The following ALDH1A1 variants were observed in gnomAD, a reference collection of about 807,000 sequenced individuals.
ALDH1A1 encodes aldehyde dehydrogenase 1A1.
In ALDH1A1, 19 loss-of-function variants were observed where a neutral mutation model predicts 62.1. The observed-to-expected ratio is 0.31, with a 90% CI of 0.21 to 0.45. The LOEUF (loss-of-function observed/expected upper bound fraction) is 0.45. Ranked by LOEUF, ALDH1A1 falls within the 20% of genes least tolerant of loss-of-function variation. The pLI, the probability that ALDH1A1 is intolerant of heterozygous loss-of-function variation, is 1.00. For missense variants in ALDH1A1, 521 were observed against 607.1 expected (o/e 0.86, Z 1.49); for synonymous variants, 231 against 215.9 (o/e 1.07, Z -0.61).
In ALDH1A1 at chr9:72,923,931, T is replaced by C. The variant is rs762701775; in HGVS notation, c.747+88A>G. On this transcript the variant is annotated intron_variant, in intron 7 of 12. Transcript: ENST00000297785. ...ATTAAAAAGAGTTTTTGTTTTAAAA[T>C]TGTTGGCTCAAAAATAGTTACATAA... 1.2e-5 allele frequency: 10 copies of C among 867,712 alleles called. No individual in the cohort carries two copies. In the Admixed American group the frequency reaches 2.8e-4, roughly 24 times the overall value. 53.8% of individuals were successfully genotyped at this position (867,712 alleles called of 1,614,324 possible).
chr9:72,937,637 G>A (rs931459173), intron 2 of ALDH1A1, among the ~76,000 whole-genome samples: 2 of 152,168 alleles, frequency 1.3e-5, no homozygotes, highest in African/African-American at 4.8e-5. Context: ...CTACACTGTG[G>A]ACATGTACAG....
rs34939955 is a variant in ALDH1A1 at position 72,927,284 on chromosome 9, T to C, written c.443-107A>G. 132 of 790,988 alleles carry C rather than the reference T, an allele frequency of 1.7e-4. No homozygotes were observed. In the East Asian group the frequency reaches 3.2e-3, roughly 19 times the overall value. 49.0% of individuals were successfully genotyped at this position (790,988 alleles called of 1,614,324 possible). A position where few individuals can be genotyped will look rare whatever the true frequency, so the allele number is the denominator to read the frequency against. On this transcript the variant is annotated intron_variant, in intron 4 of 12. Transcript: ENST00000297785. ...GGTGTAGACAATAATTTTAAAAACATATATCTGGCCAGGTGTGGTGGCTCA... is the reference window on the plus strand; with the variant it reads ...GGTGTAGACAATAATTTTAAAAACACATATCTGGCCAGGTGTGGTGGCTCA...
chr9:72,930,763 T>C (rs1830270862), intron 3 of ALDH1A1, 116 bp downstream of exon 3: 1 of 1,250,612 alleles, frequency 8.0e-7, no homozygotes, highest in Non-Finnish European at 1.1e-6. Context: ...CAAAAAATGT[T>C]TTCATTTTGT....
At chr9:72,921,594 T>C (rs1320345280) in intron 7 of ALDH1A1, among the ~76,000 whole-genome samples, 3 of 148,444 alleles carry the variant, frequency 2.0e-5, no homozygotes, top group Non-Finnish European at 4.5e-5. Flanking sequence ...TACATATGTA[T>C]ACATGTGCCA....
chr9:72,945,532 T>TAGG (rs1339896695), intron 1 of ALDH1A1, among the ~76,000 whole-genome samples: 1 of 151,960 alleles, frequency 6.6e-6, no homozygotes, highest in East Asian at 1.9e-4. Flanking sequence ...AGTCACAGCA[T>TAGG]AGGCTGCATG....
chr9:72,923,504 T>C (rs1830167089), intron 7 of ALDH1A1, among the ~76,000 whole-genome samples: 1 of 152,148 alleles, frequency 6.6e-6, no homozygotes, highest in Non-Finnish European at 1.5e-5. Context: ...GGTTGGGGTC[T>C]TTTTCTTTAA....
At chr9:72,902,845 A>G (rs1157252429) in intron 12 of ALDH1A1, among the ~76,000 whole-genome samples, 1 of 151,908 alleles carries the variant, frequency 6.6e-6, no homozygotes, top group Non-Finnish European at 1.5e-5. Flanking sequence ...TGTACAAATC[A>G]CCTGGGACCT....
intron 7 of ALDH1A1, among the ~76,000 whole-genome samples, chr9:72,921,330 T>C (rs1434735179): frequency 6.6e-6 from 1 of 151,882 alleles, no homozygotes; most frequent in African/African-American, 2.4e-5. Context: ...GGATACAGTC[T>C]ATTGTTTGCC....
chr9:72,949,448 T>C (rs1588147066), intron 1 of ALDH1A1, among the ~76,000 whole-genome samples: 2 of 151,768 alleles, frequency 1.3e-5, no homozygotes, highest in South Asian at 2.1e-4. Flanking sequence ...ACTGCCAGCA[T>C]TGGCAGTGTA....
chr9:72,943,808 T>C (rs572180379), intron 1 of ALDH1A1, among the ~76,000 whole-genome samples: 3 of 152,158 alleles, frequency 2.0e-5, no homozygotes, highest in African/African-American at 7.2e-5. Flanking sequence ...GGAGAATGTA[T>C]TCATATCAAG....
chr9:72,921,351 C>A lies in ALDH1A1; in HGVS notation c.748-2529G>T, dbSNP rs527594931. ...AGTCTATTGTTTGCCTCTTTCATGACATTTATCAAGTTCCTTAATATCTGC... is the reference window on the plus strand; with the variant it reads ...AGTCTATTGTTTGCCTCTTTCATGAAATTTATCAAGTTCCTTAATATCTGC... On this transcript the variant is annotated intron_variant, in intron 7 of 12. Transcript: ENST00000297785. 2.8e-4 allele frequency among the ~76,000 whole-genome samples: 43 copies of A among 151,910 alleles called. No homozygotes were observed. In the South Asian group the frequency reaches 8.3e-3, roughly 29 times the overall value.
In ALDH1A1 at chr9:72,917,094, A is replaced by G. The variant is rs199745432; in HGVS notation, c.861T>C (p.Ala287=). Residue 287 remains alanine, a synonymous_variant, in exon 9 of 13, where the codon GCT becomes GCC. Coordinates refer to ENST00000297785, the MANE Select transcript of ALDH1A1 (RefSeq NM_000689.5). ...ATACCCCATGGTGTGCAAATTCAAC[A>G]GCATTGTCCACTGCGAAGAAGACAT... ...IVLADADLDN[A]VEFAHHGVFY... is the part of the protein sequence containing the mutation. 4.3e-4 allele frequency: 682 copies of G among 1,585,270 alleles called. 3 individuals are homozygous for G. The Middle Eastern group carries it at 4.8e-3, about 11-fold the overall frequency.
chr9:72,943,581 T>A (rs1325673225), intron 1 of ALDH1A1, among the ~76,000 whole-genome samples: 2 of 152,176 alleles, frequency 1.3e-5, no homozygotes, highest in Non-Finnish European at 2.9e-5. Flanking sequence ...TTCTGCATTA[T>A]TCAGTTTTAA....
intron 1 of ALDH1A1, among the ~76,000 whole-genome samples, chr9:72,951,947 T>C (rs766783399): frequency 6.6e-6 from 1 of 151,986 alleles, no homozygotes; most frequent in African/African-American, 2.4e-5. Context: ...CAACAGACCT[T>C]GGGATTTCAA....
chr9:72,925,707 T>C, intron 5 of ALDH1A1, 95 bp from the exon 6 acceptor site: 1 of 1,369,670 alleles, frequency 7.3e-7, no homozygotes, highest in Admixed American at 2.5e-5. Flanking sequence ...AGATGTTATG[T>C]AATAATTGCG....
chr9:72,919,620 A>T (rs542732257), intron 7 of ALDH1A1, among the ~76,000 whole-genome samples: 2 of 152,248 alleles, frequency 1.3e-5, no homozygotes, highest in Admixed American at 6.5e-5. Context: ...CTGTGGTAGC[A>T]GTAACAATAA....
rs1047443841 is a variant in ALDH1A1 at position 72,923,892 on chromosome 9, A to C, written c.747+127T>G. 9 of 601,392 alleles carry C rather than the reference A, an allele frequency of 1.5e-5. No homozygotes were observed. In the South Asian group the frequency reaches 2.1e-4, roughly 14 times the overall value. The allele number at this position is 601,392 out of a possible 1,614,324, so 37.3% of individuals were successfully genotyped here. A position where few individuals can be genotyped will look rare whatever the true frequency, so the allele number is the denominator to read the frequency against. On this transcript the variant is annotated intron_variant, in intron 7 of 12. Coordinates refer to ENST00000297785, the MANE Select transcript of ALDH1A1 (RefSeq NM_000689.5). ...TCTATCCATATGTTTGAAGGCTAAA[A>C]TAAGTAACAAATCATTAAAAAGAGT...
intron 2 of ALDH1A1, among the ~76,000 whole-genome samples, chr9:72,936,956 A>G (rs902868839): frequency 6.6e-6 from 1 of 152,140 alleles, no homozygotes; most frequent in East Asian, 1.9e-4. Context: ...TAAAAAATGA[A>G]AATTTTCAGG....
chr9:72,912,790 A>G (rs1312650992), intron 9 of ALDH1A1, among the ~76,000 whole-genome samples: 1 of 152,222 alleles, frequency 6.6e-6, no homozygotes. Context: ...GCCAAGTATT[A>G]CAGAACTTAA....
Sources: gnomAD v4.1 joint callset for allele counts (sites outside exome capture counted in the v4.1 genomes callset) on GRCh38, gnomAD v4.1.1 for gene constraint, MANE v1.5 for transcripts, NCBI Gene and HGNC (gene_info 2026-07-23, HGNC 2026-07-21) for gene names.